The following MALRD1 variants were observed in gnomAD, a reference collection of about 807,000 sequenced individuals.
MALRD1 encodes the protein MAM and LDL receptor class A domain containing 1.
MALRD1 carries 247 observed loss-of-function variants against 242.1 expected under a neutral mutation model. The observed-to-expected ratio is 1.02, with a 90% CI of 0.92 to 1.13. The LOEUF is 1.13. MALRD1 is among the 50% of genes most tolerant of loss of function. The pLI, the probability that MALRD1 is intolerant of heterozygous loss-of-function variation, is 0.00. For missense variants in MALRD1, 2,989 were observed against 2,533.1 expected, an observed-to-expected ratio of 1.18 and a Z score of -3.86; for synonymous variants, 995 against 866.6, an observed-to-expected ratio of 1.15 and a Z score of -2.60.
intron 26 of MALRD1, among the ~76,000 whole-genome samples, chr10:19,384,711 A>G (rs1387562516): frequency 1.4e-5 from 2 of 140,488 alleles, no homozygotes; most frequent in Non-Finnish European, 3.0e-5. Flanking sequence ...ACTATATAAT[A>G]TATATAATTT....
At chr10:19,321,322 T>C (rs1277228832) in intron 21 of MALRD1, among the ~76,000 whole-genome samples, 1 of 152,132 alleles carries the variant, frequency 6.6e-6, no homozygotes, top group Admixed American at 6.6e-5. Context: ...ATCAATTTGT[T>C]TGATAATTCA....
intron 36 of MALRD1, among the ~76,000 whole-genome samples, chr10:19,635,924 G>A (rs773507887): frequency 1.3e-5 from 2 of 150,006 alleles, no homozygotes; most frequent in Admixed American, 6.7e-5. Context: ...TTTTTGAAAC[G>A]CAGCGTCACT....
At chr10:19,057,612 AAGTC>A (rs1439890428) in intron 1 of MALRD1, among the ~76,000 whole-genome samples, 7 of 152,202 alleles carry the variant, frequency 4.6e-5, no homozygotes, top group African/African-American at 1.7e-4. Context: ...TATTGGAAGA[AAGTC>A]AGAAAAAACA....
intron 38 of MALRD1, among the ~76,000 whole-genome samples, chr10:19,720,724 A>G (rs1363644302): frequency 2.6e-5 from 4 of 152,206 alleles, no homozygotes; most frequent in Admixed American, 2.0e-4. Context: ...ATAAAATGCT[A>G]TAAATCTGTC....
At chr10:19,680,540 G>A (rs1022245019) in intron 36 of MALRD1, among the ~76,000 whole-genome samples, 1 of 152,096 alleles carries the variant, frequency 6.6e-6, no homozygotes, top group African/African-American at 2.4e-5. Context: ...CTTTCGATGT[G>A]AGATGGATCT....
At chr10:19,131,496 AT>A (rs1833105343) in intron 8 of MALRD1, among the ~76,000 whole-genome samples, 1 of 152,198 alleles carries the variant, frequency 6.6e-6, no homozygotes, top group East Asian at 1.9e-4. Context: ...AATAATACTC[AT>A]AGCAACAGCC....
chr10:19,538,329 G>C (rs1022501287), intron 32 of MALRD1, among the ~76,000 whole-genome samples: 1 of 152,082 alleles, frequency 6.6e-6, no homozygotes, highest in African/African-American at 2.4e-5. Context: ...TCAATTAAAG[G>C]CTGAAGGAAT....
At chr10:19,047,764 G>A (rs1834374417), upstream of MALRD1, among the ~76,000 whole-genome samples, 4 of 152,058 alleles carry the variant, frequency 2.6e-5, no homozygotes, top group Admixed American at 6.5e-5. Flanking sequence ...TACACAAAAT[G>A]TATGTATATA....
chr10:19,508,313 T>C lies in MALRD1; in HGVS notation c.5320+9667T>C, dbSNP rs112848441. Among the ~76,000 whole-genome samples, 4 of 152,196 alleles carry C rather than the reference T, an allele frequency of 2.6e-5. No individual in the cohort carries two copies. In the South Asian group the frequency reaches 8.3e-4, roughly 32 times the overall value. On this transcript the variant is annotated intron_variant, in intron 31 of 39. Transcript: ENST00000454679. ...TTTAGAGGAAGAGATCTGACACTTA[T>C]TAAATGTTTCCTAAGAGTCAGAAAC...
Position 19,208,304 on chromosome 10 carries a change from C to T in MALRD1, c.2579-964C>T, listed in dbSNP as rs1027599609. ...AAAAAGTGGCAAGGCACATACCTAA[C>T]ATTAGGGTAAACAGAGGTGGAGGAA... On this transcript the variant is annotated intron_variant, in intron 17 of 39. Coordinates refer to ENST00000454679, the MANE Select transcript of MALRD1 (RefSeq NM_001142308.3). 3.9e-5 allele frequency among the ~76,000 whole-genome samples: 6 copies of T among 152,062 alleles called. No individual in the cohort carries two copies. The South Asian group carries it at 1.0e-3, about 26-fold the overall frequency.
chr10:19,488,795 C>T (rs1452816965), intron 29 of MALRD1: 3 of 322,792 alleles, frequency 9.3e-6, no homozygotes, highest in East Asian at 7.7e-5. Flanking sequence ...CCTCGGTCCC[C>T]ACCTGTACAA....
At chr10:19,718,603 A>T (rs1021302347) in intron 38 of MALRD1, among the ~76,000 whole-genome samples, 4 of 152,164 alleles carry the variant, frequency 2.6e-5, no homozygotes, top group African/African-American at 9.7e-5. Flanking sequence ...ATCGCATTTC[A>T]TCATGAGATT....
intron 29 of MALRD1, among the ~76,000 whole-genome samples, chr10:19,480,480 A>G (rs1589138461): frequency 2.0e-5 from 3 of 152,326 alleles, no homozygotes; most frequent in African/African-American, 7.2e-5. Flanking sequence ...ACAGGGTGCC[A>G]GGAATATCAT....
intron 33 of MALRD1, among the ~76,000 whole-genome samples, chr10:19,590,321 ATACATATTTTATATATG>A (rs1260215010): frequency 1.4e-5 from 2 of 147,654 alleles, no homozygotes; most frequent in African/African-American, 4.9e-5. Context: ...ATATGTATAT[ATACATATTTTATATATG>A]TACATATTTT....
chr10:19,290,059 A>G (rs901196970), intron 21 of MALRD1, among the ~76,000 whole-genome samples: 1 of 152,222 alleles, frequency 6.6e-6, no homozygotes, highest in African/African-American at 2.4e-5. Context: ...ACAGTATGGT[A>G]GGAATATGTA....
chr10:19,158,631 G>A (rs1165893093), intron 12 of MALRD1, among the ~76,000 whole-genome samples: 1 of 152,170 alleles, frequency 6.6e-6, no homozygotes, highest in East Asian at 1.9e-4. Flanking sequence ...TACCTACGAT[G>A]CAACACATAT....
At chr10:19,338,904 A>G (rs999455989) in intron 24 of MALRD1, among the ~76,000 whole-genome samples, 1 of 143,982 alleles carries the variant, frequency 6.9e-6, no homozygotes, top group Admixed American at 6.8e-5. Flanking sequence ...TACATATATT[A>G]TATATATAAA....
At chr10:19,680,649 AT>A (rs1274243655) in intron 36 of MALRD1, among the ~76,000 whole-genome samples, 1 of 152,078 alleles carries the variant, frequency 6.6e-6, no homozygotes, top group Non-Finnish European at 1.5e-5. Context: ...TAAAGTTAAT[AT>A]TGTTATATGT....
chr10:19,673,835 T>C (rs959501359), intron 36 of MALRD1, among the ~76,000 whole-genome samples: 1 of 151,874 alleles, frequency 6.6e-6, no homozygotes, highest in African/African-American at 2.4e-5. Flanking sequence ...ATATCTATTT[T>C]AATATATGTA....
Sources: allele counts gnomAD v4.1 joint callset (sites outside exome capture counted in the v4.1 genomes callset), GRCh38; gene constraint gnomAD v4.1.1; transcripts MANE v1.5; gene names NCBI Gene and HGNC (gene_info 2026-07-23, HGNC 2026-07-21).